EEIG2: variants seen among roughly 807,000 people sequenced by gnomAD.
The protein encoded by EEIG2 is family with sequence similarity 102 member B.
chr1:108,620,110 T>C, the EEIG2 span, among the ~76,000 whole-genome samples: 2 of 152,192 alleles, frequency 1.3e-5, no homozygotes, highest in Admixed American at 6.5e-5. Context: ...TTGTGTGACT[T>C]TACTCAGTAT....
At chr1:108,616,308 A>T in the EEIG2 span, 69 of 925,162 alleles carry the variant, frequency 7.5e-5, 1 homozygote, top group African/African-American at 1.0e-3. Context: ...CCAATAGAAA[A>T]TATCGGACTA....
At chr1:108,589,125 TCTC>T in the EEIG2 span, among the ~76,000 whole-genome samples, 6 of 152,052 alleles carry the variant, frequency 3.9e-5, no homozygotes, top group Admixed American at 1.3e-4. Flanking sequence ...AGGAGCCTCT[TCTC>T]CTGTTCAGGG....
At chr1:108,575,070 T>C in the EEIG2 span, among the ~76,000 whole-genome samples, 2 of 152,146 alleles carry the variant, frequency 1.3e-5, no homozygotes, top group African/African-American at 2.4e-5. Flanking sequence ...TTTAGAAAAA[T>C]CCCTCTGTCA....
chr1:108,616,508 T>TGTAAAA, the EEIG2 span: 2 of 928,510 alleles, frequency 2.2e-6, no homozygotes, highest in Non-Finnish European at 1.7e-6. Context: ...ACATTAATAT[T>TGTAAAA]TTGTAGTGCT....
chr1:108,572,398 T>C, the EEIG2 span, among the ~76,000 whole-genome samples: 1 of 152,060 alleles, frequency 6.6e-6, no homozygotes, highest in Admixed American at 6.5e-5. Context: ...TTTTTGCCAG[T>C]AGAGAACCTA....
At chr1:108,576,280 T>C in the EEIG2 span, among the ~76,000 whole-genome samples, 1 of 152,246 alleles carries the variant, frequency 6.6e-6, no homozygotes, top group Non-Finnish European at 1.5e-5. Flanking sequence ...TTTCACTTTA[T>C]TGTGCTTTGC....
At chr1:108,612,665 T>C in the EEIG2 span, among the ~76,000 whole-genome samples, 1 of 152,238 alleles carries the variant, frequency 6.6e-6, no homozygotes, top group Non-Finnish European at 1.5e-5. Context: ...GAAGCCACTG[T>C]GTTCTCTTGT....
chr1:108,616,947 A>G, the EEIG2 span, among the ~76,000 whole-genome samples: 1 of 152,200 alleles, frequency 6.6e-6, no homozygotes, highest in African/African-American at 2.4e-5. Context: ...GCTATTCTAT[A>G]TATAGTAGTC....
the EEIG2 span, among the ~76,000 whole-genome samples, chr1:108,568,711 T>C: frequency 6.6e-6 from 1 of 152,216 alleles, no homozygotes; most frequent in Non-Finnish European, 1.5e-5. Flanking sequence ...TGTCCAGTTG[T>C]CAGGGGCCTG....
the EEIG2 span, among the ~76,000 whole-genome samples, chr1:108,610,027 G>A: frequency 6.6e-5 from 10 of 152,232 alleles, no homozygotes; most frequent in South Asian, 2.1e-4. Context: ...AAACCTGCAC[G>A]TCCTGCACAT....
chr1:108,631,072 G>T, the EEIG2 span: 2 of 333,450 alleles, frequency 6.0e-6, no homozygotes, highest in Non-Finnish European at 1.2e-5. Context: ...TACTTTCAGG[G>T]AGTAATGTGA....
At chr1:108,639,083 G>C in the EEIG2 span, 4 of 152,200 alleles carry the variant, frequency 2.6e-5, no homozygotes, top group African/African-American at 4.8e-5. Context: ...AGGTGATACA[G>C]TATGTGGGTA....
chr1:108,624,594 G>A, the EEIG2 span: 1 of 1,530,890 alleles, frequency 6.5e-7, no homozygotes, highest in African/African-American at 1.4e-5. Context: ...AATAACTATT[G>A]TAAACTTTGA....
the EEIG2 span, among the ~76,000 whole-genome samples, chr1:108,597,020 A>G: frequency 6.6e-6 from 1 of 152,156 alleles, no homozygotes. Context: ...AGCCCCTGCA[A>G]CCAGCCAAGT....
At chr1:108,635,114 G>A in the EEIG2 span, 1 of 1,614,156 alleles carries the variant, frequency 6.2e-7, no homozygotes, top group Non-Finnish European at 8.5e-7. Flanking sequence ...TTAGGGTGGG[G>A]TCTGGAGCTT....
chr1:108,560,705 G>T, the EEIG2 span: 1 of 1,044,420 alleles, frequency 9.6e-7, no homozygotes, highest in Middle Eastern at 3.2e-4. Flanking sequence ...TCTGCAAAGT[G>T]CTTTGCAAAT....
chr1:108,603,662 TAAG>T, the EEIG2 span, among the ~76,000 whole-genome samples: 1 of 152,102 alleles, frequency 6.6e-6, no homozygotes, highest in Non-Finnish European at 1.5e-5. Flanking sequence ...AAAAATATGA[TAAG>T]AAGAGACCCA....
chr1:108,575,942 AGATAT>A, the EEIG2 span, among the ~76,000 whole-genome samples: 21,222 of 152,110 alleles, frequency 0.14, 2,215 homozygotes, highest in African/African-American at 0.29. Context: ...ACTTAAAATG[AGATAT>A]GATATGTGAA....
At chr1:108,595,386 GGGAA>G in the EEIG2 span, among the ~76,000 whole-genome samples, 1 of 144,426 alleles carries the variant, frequency 6.9e-6, no homozygotes, top group Admixed American at 6.9e-5. Context: ...GAAGGAGGGA[GGGAA>G]GGAAGGAAGG....
Sources: allele counts gnomAD v4.1 joint callset (sites outside exome capture counted in the v4.1 genomes callset), GRCh38; gene constraint gnomAD v4.1.1; transcripts MANE v1.5; gene names NCBI Gene and HGNC (gene_info 2026-07-23, HGNC 2026-07-21).